The following UGT1A5 variants were observed in gnomAD, a reference collection of about 807,000 sequenced individuals.
UGT1A5 encodes UDP glucuronosyltransferase family 1 member A5, also known as UDP-glucuronosyltransferase 1A5.
In UGT1A5, 29 loss-of-function variants were observed where a neutral mutation model predicts 40.3. The ratio of observed to expected loss-of-function variants is 0.72; its 90% CI spans 0.54 to 0.98. The LOEUF is 0.98. Ranked by LOEUF, UGT1A5 falls within the 50% of genes least tolerant of loss-of-function variation. The pLI is 0.00. For missense variants in UGT1A5, 678 were observed against 677.9 expected, an observed-to-expected ratio of 1.00 and a Z score of 0.00; for synonymous variants, 257 against 262.5, an observed-to-expected ratio of 0.98 and a Z score of 0.20.
intron 1 of UGT1A5, among the ~76,000 whole-genome samples, chr2:233,739,279 C>G (rs11691824): frequency 0.034 from 5,129 of 152,284 alleles, 99 homozygotes; most frequent in African/African-American, 0.051. Flanking sequence ...AGCCCCCACA[C>G]AGAGTCTCCA....
At chr2:233,720,833 G>A in intron 1 of UGT1A5, among the ~76,000 whole-genome samples, 1 of 150,462 alleles carries the variant, frequency 6.6e-6, no homozygotes, top group East Asian at 2.0e-4. Context: ...AGTCTCCTGA[G>A]TAACTGGGAC....
chr2:233,734,579 T>C (rs1163010771), intron 1 of UGT1A5, among the ~76,000 whole-genome samples: 20 of 152,230 alleles, frequency 1.3e-4, no homozygotes, highest in Non-Finnish European at 2.9e-5. Context: ...TTGCTCTTGC[T>C]TATCTAGTTC....
intron 1 of UGT1A5, among the ~76,000 whole-genome samples, chr2:233,728,740 G>C (rs1227544555): frequency 1.3e-5 from 2 of 152,220 alleles, no homozygotes; most frequent in African/African-American, 2.4e-5. Flanking sequence ...CTGGGGGCTA[G>C]GGCAATGGTG....
At chr2:233,735,837 C>T (rs2078701654) in intron 1 of UGT1A5, among the ~76,000 whole-genome samples, 1 of 151,994 alleles carries the variant, frequency 6.6e-6, no homozygotes, top group South Asian at 2.1e-4. Flanking sequence ...GAATATTGGC[C>T]CCCACTCTCT....
chr2:233,738,565 G>A (rs1000487270), intron 1 of UGT1A5, among the ~76,000 whole-genome samples: 1 of 152,204 alleles, frequency 6.6e-6, no homozygotes, highest in African/African-American at 2.4e-5. Context: ...TGAGGAATCT[G>A]TTGAGAACTG....
At chr2:233,760,403 A>G in intron 1 of UGT1A5, 1 of 1,614,240 alleles carries the variant, frequency 6.2e-7, no homozygotes, top group Non-Finnish European at 8.5e-7. Context: ...GATGGCAGCC[A>G]CTGGCTGAGC....
At chr2:233,757,539 T>TATATACATATACATAC (rs762018928) in intron 1 of UGT1A5, among the ~76,000 whole-genome samples, 3 of 115,748 alleles carry the variant, frequency 2.6e-5, no homozygotes, top group Admixed American at 2.5e-4. Context: ...GTAAGGAATA[T>TATATACATATACATAC]ATATATATAT....
chr2:233,768,128 C>A, intron 3 of UGT1A5, 92 bp from the exon 4 acceptor site: 1 of 1,605,472 alleles, frequency 6.2e-7, no homozygotes, highest in Non-Finnish European at 8.5e-7. Context: ...GTGAGTAACA[C>A]TGAGTCTTTG....
At chr2:233,719,091 C>G in intron 1 of UGT1A5, 7 of 1,614,254 alleles carry the variant, frequency 4.3e-6, no homozygotes, top group Middle Eastern at 1.6e-4. Flanking sequence ...GGAATTTGAT[C>G]GCGTTACGCT....
chr2:233,730,367 A>T (rs2078022058), intron 1 of UGT1A5, among the ~76,000 whole-genome samples: 1 of 152,122 alleles, frequency 6.6e-6, no homozygotes, highest in Admixed American at 6.5e-5. Context: ...TGCTAGCATG[A>T]TTTTCAGGGG....
intron 1 of UGT1A5, among the ~76,000 whole-genome samples, chr2:233,745,151 G>A (rs1280914667): frequency 6.6e-6 from 1 of 151,808 alleles, no homozygotes; most frequent in African/African-American, 2.4e-5. Flanking sequence ...AGTATATGGA[G>A]GGTCAAATGT....
At chr2:233,758,553 G>A (rs1420441081) in intron 1 of UGT1A5, among the ~76,000 whole-genome samples, 1 of 152,202 alleles carries the variant, frequency 6.6e-6, no homozygotes, top group Non-Finnish European at 1.5e-5. Context: ...TGCTTGCCCA[G>A]AATCTTGGTC....
At position 233,767,890 on chromosome 2, in the gene UGT1A5, G is replaced by A. The variant is rs770433443; in HGVS notation, c.1041G>A (p.Ala347=). The A allele has an allele frequency of 2.3e-5, 37 of 1,613,976 alleles. 1 individual carries two copies. The highest frequency in any genetic ancestry group is 1.6e-4 in the Middle Eastern group (1 of 6,082). The part of the protein sequence containing the change: ...RYTGTRPSNL[A]NNTILVKWLP... ...CTGGAACCCGACCATCGAATCTTGC[G>A]AACAACACGATACTTGTTAAGTGGC... is the stretch of plus-strand genomic sequence containing the variant. The change falls in exon 3 of 5, where the codon GCG becomes GCA. Residue 347 remains alanine (A), a synonymous_variant. Transcript: ENST00000373414.
chr2:233,757,560 ATG>A lies in UGT1A5; in HGVS notation c.868-9472_868-9471del, dbSNP rs199649558. The stretch of plus-strand genomic sequence containing the variant: ...AATATATATATATATATATATATAT[ATG>A]TATATATGATATAGCTATAGTCTAA... On this transcript the variant is annotated intron_variant, in intron 1 of 4. Transcript: ENST00000373414. 4.4e-3 allele frequency among the ~76,000 whole-genome samples: 540 copies of A among 123,120 alleles called. 38 individuals are homozygous for A. Among genetic ancestry groups the A allele is most frequent in the African/African-American group, 0.017 (503 of 29,340 alleles). 80.8% of individuals were successfully genotyped at this position (123,120 alleles called of 152,430 possible). A position where few individuals can be genotyped will look rare whatever the true frequency, so the allele number is the denominator to read the frequency against.
intron 1 of UGT1A5, chr2:233,717,713 A>T: frequency 2.4e-5 from 11 of 453,290 alleles, no homozygotes; most frequent in South Asian, 1.7e-4. Flanking sequence ...GACGAGCCTC[A>T]TGGGCATGAG....
rs532123435 is a variant in UGT1A5 at position 233,768,784 on chromosome 2, ATGTT to A, written c.1307+349_1307+352del. Among the ~76,000 whole-genome samples the A allele has an allele frequency of 2.0e-5, 3 of 151,986 alleles. No homozygotes were observed. The South Asian group carries it at 6.2e-4, about 32-fold the overall frequency. On this transcript the variant is annotated intron_variant, in intron 4 of 4. Coordinates refer to ENST00000373414, the MANE Select transcript of UGT1A5 (RefSeq NM_019078.2). ...TTTTTAGTAGAGAAAGGGTTTCACC[ATGTT>A]TGTCAGGCTGGTCTTGAACTCCTGA...
At chr2:233,759,148 C>T (rs958103871) in intron 1 of UGT1A5, among the ~76,000 whole-genome samples, 4 of 152,184 alleles carry the variant, frequency 2.6e-5, no homozygotes, top group African/African-American at 9.7e-5. Context: ...AAGGTGAGTT[C>T]CACAGAACAC....
intron 1 of UGT1A5, among the ~76,000 whole-genome samples, chr2:233,757,561 T>C (rs1218840720): frequency 8.3e-6 from 1 of 121,180 alleles, no homozygotes; most frequent in Non-Finnish European, 1.7e-5. Context: ...TATATATATA[T>C]GTATATATGA....
At position 233,763,627 on chromosome 2, in the gene UGT1A5, G is replaced by A. The variant is rs1698360678; in HGVS notation, c.868-3407G>A. Among the ~76,000 whole-genome samples, 2 of 152,126 alleles carry A rather than the reference G, an allele frequency of 1.3e-5. 1 individual carries two copies. Among genetic ancestry groups the A allele is most frequent in the Admixed American group, 1.3e-4 (2 of 15,272 alleles). ...CACTCTGCACTACCATTCCTCTTGT[G>A]TTGATGGTCCTATTCTCAATACTCT... On this transcript the variant is annotated intron_variant, in intron 1 of 4. Transcript: ENST00000373414.
Sources: gnomAD v4.1 joint callset for allele counts (sites outside exome capture counted in the v4.1 genomes callset) on GRCh38, gnomAD v4.1.1 for gene constraint, MANE v1.5 for transcripts, NCBI Gene and HGNC (gene_info 2026-07-23, HGNC 2026-07-21) for gene names.